The following RNF216 variants were observed in gnomAD, a reference collection of about 807,000 sequenced individuals.
RNF216 encodes E3 ubiquitin-protein ligase RNF216.
RNF216 carries 72 observed loss-of-function variants against 110.8 expected under a neutral mutation model. The observed-to-expected ratio is 0.65, with a 90% CI of 0.54 to 0.79. RNF216 has a LOEUF of 0.79. Ranked by LOEUF, RNF216 falls within the 30% of genes least tolerant of loss-of-function variation. The pLI, the probability that RNF216 is intolerant of heterozygous loss-of-function variation, is 0.00. For missense variants in RNF216, 1,342 were observed against 1,141.2 expected (o/e 1.18, Z -2.54); for synonymous variants, 495 against 407.5 (o/e 1.21, Z -2.59).
At chr7:5,780,529 T>C (rs1284416969) in intron 1 of RNF216, among the ~76,000 whole-genome samples, 3 of 152,028 alleles carry the variant, frequency 2.0e-5, no homozygotes, top group Non-Finnish European at 4.4e-5. Flanking sequence ...AAATCCCGTC[T>C]CTACTAAAAA....
intron 1 of RNF216, among the ~76,000 whole-genome samples, chr7:5,769,922 GA>G (rs1796404616): frequency 9.7e-5 from 14 of 144,706 alleles, no homozygotes; most frequent in Non-Finnish European, 3.0e-5. Flanking sequence ...TTGTAGCCAG[GA>G]GGCTGAGACA....
intron 13 of RNF216, among the ~76,000 whole-genome samples, chr7:5,664,038 A>G (rs852417): frequency 0.7 from 105,834 of 152,068 alleles, 37,522 homozygotes; most frequent in East Asian, 1. Flanking sequence ...ACCACCGTAC[A>G]TCTCAGGTAT....
chr7:5,746,639 G>A (rs537031932), intron 3 of RNF216, among the ~76,000 whole-genome samples: 2 of 152,232 alleles, frequency 1.3e-5, no homozygotes, highest in South Asian at 2.1e-4. Flanking sequence ...ACGTCATCCC[G>A]GTCCTGAGAT....
chr7:5,759,583 A>G (rs1184102647), intron 2 of RNF216, among the ~76,000 whole-genome samples: 2 of 151,922 alleles, frequency 1.3e-5, no homozygotes, highest in Admixed American at 6.6e-5. Flanking sequence ...TAAGGCTTCC[A>G]GTCAACAGTA....
intron 8 of RNF216, 44 bp from the exon 9 acceptor site, chr7:5,721,216 G>A (rs1190593491): frequency 1.9e-6 from 3 of 1,590,626 alleles, no homozygotes; most frequent in South Asian, 2.2e-5. Flanking sequence ...ACAACTATGT[G>A]TTAGGAACCT....
At chr7:5,658,122 C>G (rs962168846) in intron 13 of RNF216, among the ~76,000 whole-genome samples, 8 of 152,184 alleles carry the variant, frequency 5.3e-5, no homozygotes, top group African/African-American at 1.7e-4. Context: ...CTTTGCGGAG[C>G]TGACATCTTC....
chr7:5,626,385 G>A (rs1165571401), intron 15 of RNF216, among the ~76,000 whole-genome samples: 1 of 150,464 alleles, frequency 6.6e-6, no homozygotes, highest in Admixed American at 6.7e-5. Flanking sequence ...TCATTTTGGA[G>A]CCAGTGGCAG....
At chr7:5,629,594 C>T (rs955476907) in intron 15 of RNF216, among the ~76,000 whole-genome samples, 3 of 151,376 alleles carry the variant, frequency 2.0e-5, no homozygotes, top group Non-Finnish European at 2.9e-5. Context: ...TTTGGGAGGC[C>T]GAGGCGGGCG....
intron 7 of RNF216, among the ~76,000 whole-genome samples, chr7:5,727,306 C>T (rs1390297766): frequency 3.3e-5 from 5 of 152,294 alleles, no homozygotes; most frequent in Middle Eastern, 3.4e-3. Context: ...CCCTTATGAC[C>T]ACAAGCTTTC....
chr7:5,730,372 T>A (rs1794016732), intron 6 of RNF216, among the ~76,000 whole-genome samples: 1 of 152,158 alleles, frequency 6.6e-6, no homozygotes, highest in Non-Finnish European at 1.5e-5. Flanking sequence ...GGTTTGAAAA[T>A]TTTCATAATA....
chr7:5,723,422 C>T (rs1230784258), intron 8 of RNF216, among the ~76,000 whole-genome samples: 4 of 151,982 alleles, frequency 2.6e-5, no homozygotes, highest in East Asian at 3.9e-4. Flanking sequence ...CCGAGGCGGG[C>T]GGATCACGAG....
At chr7:5,660,942 G>GGT (rs1789080188) in intron 13 of RNF216, among the ~76,000 whole-genome samples, 2 of 120,986 alleles carry the variant, frequency 1.7e-5, no homozygotes, top group Non-Finnish European at 3.2e-5. Flanking sequence ...TGAAGCCTTA[G>GGT]GTTTTTTTTT....
chr7:5,689,768 G>A (rs1380007536), intron 13 of RNF216, among the ~76,000 whole-genome samples: 1 of 151,842 alleles, frequency 6.6e-6, no homozygotes, highest in African/African-American at 2.4e-5. Context: ...AGCCTGGCCT[G>A]CGTGGCAAAA....
intron 13 of RNF216, among the ~76,000 whole-genome samples, chr7:5,686,030 A>G (rs1173174851): frequency 6.6e-6 from 1 of 151,746 alleles, no homozygotes; most frequent in East Asian, 1.9e-4. Context: ...CGAGACTAGC[A>G]TGGCCAACAT....
At chr7:5,712,918 T>C (rs555296906) in intron 11 of RNF216, 55 bp from the exon 12 acceptor site, 1 of 1,519,466 alleles carries the variant, frequency 6.6e-7, no homozygotes, top group Non-Finnish European at 8.9e-7. Context: ...TATAGAAAAA[T>C]AAAAAGCGTC....
intron 1 of RNF216, among the ~76,000 whole-genome samples, chr7:5,767,648 T>G (rs1796274918): frequency 6.6e-6 from 1 of 151,200 alleles, no homozygotes; most frequent in Non-Finnish European, 1.5e-5. Context: ...CCACCCAGGC[T>G]GAAGTAATGG....
At chr7:5,707,031 T>A (rs558309612) in intron 13 of RNF216, among the ~76,000 whole-genome samples, 1 of 152,358 alleles carries the variant, frequency 6.6e-6, no homozygotes, top group Non-Finnish European at 1.5e-5. Context: ...AATCAGAGAC[T>A]ACCTTTTCCC....
chr7:5,674,856 G>T (rs1790171927), intron 13 of RNF216, among the ~76,000 whole-genome samples: 1 of 151,892 alleles, frequency 6.6e-6, no homozygotes, highest in Admixed American at 6.6e-5. Flanking sequence ...AATTAGCTGG[G>T]CATAGTGGCA....
intron 1 of RNF216, among the ~76,000 whole-genome samples, chr7:5,774,742 TTTCCCA>T (rs1796683098): frequency 6.7e-6 from 1 of 150,056 alleles, no homozygotes; most frequent in African/African-American, 2.4e-5. Flanking sequence ...AAATCTTTAT[TTTCCCA>T]TTCCAAGTTA....
Sources: gnomAD v4.1 joint callset for allele counts (sites outside exome capture counted in the v4.1 genomes callset) on GRCh38, gnomAD v4.1.1 for gene constraint, MANE v1.5 for transcripts, NCBI Gene and HGNC (gene_info 2026-07-23, HGNC 2026-07-21) for gene names.